LARGE1: variants seen among roughly 807,000 people sequenced by gnomAD.
The protein encoded by LARGE1 is LARGE xylosyl- and glucuronyltransferase 1.
Under a neutral mutation model 87.6 loss-of-function variants are expected in LARGE1, and 43 were observed. The observed-to-expected ratio is 0.49, with a 90% CI of 0.38 to 0.63. The LOEUF (loss-of-function observed/expected upper bound fraction) is 0.63, where lower values mean the gene tolerates loss of function less well. Ranked by LOEUF, LARGE1 falls within the 30% of genes least tolerant of loss-of-function variation. The pLI is 0.00. For missense variants in LARGE1, 802 were observed against 1,000.2 expected, an observed-to-expected ratio of 0.80 and a Z score of 2.67; for synonymous variants, 434 against 394.6, an observed-to-expected ratio of 1.10 and a Z score of -1.18.
At chr22:33,788,567 T>C (rs1184722339) in intron 1 of LARGE1, among the ~76,000 whole-genome samples, 1 of 152,230 alleles carries the variant, frequency 6.6e-6, no homozygotes, top group Non-Finnish European at 1.5e-5. Context: ...ACTTGTTCAA[T>C]GGCTTGGACC....
chr22:33,915,038 C>CAGAGAGAGAGAGAGAGAGAG (rs1385339734), intron 1 of LARGE1, among the ~76,000 whole-genome samples: 2 of 114,756 alleles, frequency 1.7e-5, no homozygotes, highest in African/African-American at 6.7e-5. Context: ...CACACACACA[C>CAGAGAGAGAGAGAGAGAGAG]ACACAGAGAG....
chr22:33,510,667 G>A (rs539933167), intron 6 of LARGE1, among the ~76,000 whole-genome samples: 3 of 152,268 alleles, frequency 2.0e-5, no homozygotes, highest in African/African-American at 4.8e-5. Flanking sequence ...CCTTGGCCTC[G>A]CAGGCTCAAA....
chr22:33,832,799 T>C (rs973867636), intron 1 of LARGE1, among the ~76,000 whole-genome samples: 1 of 152,184 alleles, frequency 6.6e-6, no homozygotes, highest in Admixed American at 6.5e-5. Context: ...GTCTGGCACA[T>C]GCAGTTAACT....
chr22:33,116,442 C>T, the LARGE1 span: 1 of 152,174 alleles, frequency 6.6e-6, no homozygotes, highest in Non-Finnish European at 1.5e-5. Context: ...GCAAGCTCCG[C>T]CTCCCGGGTT....
At chr22:33,207,554 A>G (rs1273768154) in intron 11 of LARGE1, among the ~76,000 whole-genome samples, 2 of 152,156 alleles carry the variant, frequency 1.3e-5, no homozygotes, top group Non-Finnish European at 2.9e-5. Context: ...AGGGAGGAGC[A>G]CTGGCAAGAC....
chr22:33,541,909 T>C (rs1283109827), intron 6 of LARGE1, among the ~76,000 whole-genome samples: 2 of 152,044 alleles, frequency 1.3e-5, no homozygotes, highest in Non-Finnish European at 2.9e-5. Flanking sequence ...ATGTCTATAA[T>C]CCCAGCACTT....
chr22:33,424,660 A>T (rs2147623258), intron 7 of LARGE1, among the ~76,000 whole-genome samples: 1 of 152,056 alleles, frequency 6.6e-6, no homozygotes, highest in South Asian at 2.1e-4. Context: ...CCCTGTCTAT[A>T]TAAAAAATAA....
At chr22:33,112,043 T>A in the LARGE1 span, among the ~76,000 whole-genome samples, 2 of 152,188 alleles carry the variant, frequency 1.3e-5, no homozygotes, top group Non-Finnish European at 2.9e-5. Context: ...TAGCACATTA[T>A]CCCAAGAGAA....
intron 2 of LARGE1, among the ~76,000 whole-genome samples, chr22:33,675,404 G>A (rs2149279262): frequency 6.6e-6 from 1 of 150,632 alleles, no homozygotes; most frequent in Non-Finnish European, 1.5e-5. Context: ...TGAAGAACAA[G>A]AGGGAATGAA....
intron 7 of LARGE1, among the ~76,000 whole-genome samples, chr22:33,419,662 A>G (rs1208680303): frequency 8.5e-6 from 1 of 117,544 alleles, no homozygotes; most frequent in Non-Finnish European, 1.9e-5. Flanking sequence ...GGCCAGATGA[A>G]TCTTTGTTTT....
chr22:33,823,454 GCTAT>G (rs2062695612), intron 1 of LARGE1, among the ~76,000 whole-genome samples: 1 of 152,170 alleles, frequency 6.6e-6, no homozygotes, highest in Non-Finnish European at 1.5e-5. Flanking sequence ...TAACCATCTT[GCTAT>G]CTATCAGGAA....
intron 1 of LARGE1, among the ~76,000 whole-genome samples, chr22:33,878,154 T>TTTTTTTTTTTTTTTTTTG (rs1489109532): frequency 7.4e-6 from 1 of 135,976 alleles, no homozygotes; most frequent in Non-Finnish European, 1.6e-5. Context: ...TTTTTTTTTT[T>TTTTTTTTTTTTTTTTTTG]AGAGACAGAG....
chr22:33,835,279 C>G lies in LARGE1; in HGVS notation c.-82-73721G>C, dbSNP rs1389833157. On this transcript the variant is annotated intron_variant, in intron 1 of 14. Coordinates refer to ENST00000397394, the MANE Select transcript of LARGE1 (RefSeq NM_133642.5). ...GTGTCCTGTCATTTACAATTCTACA[C>G]TTTGGAGTCTGTAAAGGCAGGCAAG... Among the ~76,000 whole-genome samples the G allele has an allele frequency of 2.0e-5, 3 of 152,202 alleles. No homozygotes were observed. The South Asian group carries it at 6.2e-4, about 32-fold the overall frequency.
At chr22:33,345,430 G>A (rs923068441) in intron 9 of LARGE1, among the ~76,000 whole-genome samples, 1 of 152,286 alleles carries the variant, frequency 6.6e-6, no homozygotes, top group South Asian at 2.1e-4. Flanking sequence ...ACCCACCCCT[G>A]GGATACTAAG....
intron 6 of LARGE1, among the ~76,000 whole-genome samples, chr22:33,530,368 A>G (rs1293472857): frequency 6.6e-6 from 1 of 152,120 alleles, no homozygotes; most frequent in Non-Finnish European, 1.5e-5. Flanking sequence ...CTGAGATTAT[A>G]TAAATAACAT....
chr22:33,463,533 T>C (rs1601950877), intron 6 of LARGE1, among the ~76,000 whole-genome samples: 1 of 152,194 alleles, frequency 6.6e-6, no homozygotes, highest in East Asian at 1.9e-4. Flanking sequence ...TCTCATCAAA[T>C]TAATTTATAG....
At chr22:33,145,870 GAC>G in the LARGE1 span, among the ~76,000 whole-genome samples, 2 of 152,112 alleles carry the variant, frequency 1.3e-5, no homozygotes, top group Non-Finnish European at 2.9e-5. Flanking sequence ...TCAATTTGTT[GAC>G]AGTTTCTTAT....
chr22:33,404,455 A>G (rs2066028374), intron 7 of LARGE1, among the ~76,000 whole-genome samples: 1 of 152,216 alleles, frequency 6.6e-6, no homozygotes, highest in African/African-American at 2.4e-5. Context: ...GGGCACATAA[A>G]GGCCCCCTAC....
chr22:33,422,447 C>T (rs2066725109), intron 7 of LARGE1, among the ~76,000 whole-genome samples: 1 of 151,682 alleles, frequency 6.6e-6, no homozygotes, highest in South Asian at 2.1e-4. Context: ...AAAGGGGGAG[C>T]AGGTACCTCA....
Sources: allele counts gnomAD v4.1 joint callset (sites outside exome capture counted in the v4.1 genomes callset), GRCh38; gene constraint gnomAD v4.1.1; transcripts MANE v1.5; gene names NCBI Gene and HGNC (gene_info 2026-07-23, HGNC 2026-07-21).